The following PTPN4 variants were observed in gnomAD, a reference collection of about 807,000 sequenced individuals.
PTPN4 encodes the protein tyrosine-protein phosphatase non-receptor type 4.
Under a neutral mutation model 135.5 loss-of-function variants are expected in PTPN4, and 49 were observed. The observed-to-expected ratio is 0.36, with a 90% CI of 0.29 to 0.46. PTPN4 has a LOEUF of 0.46. Among genes scored for constraint, PTPN4 ranks in the 20% least tolerant of loss-of-function variants. The pLI is 1.00. For synonymous variants in PTPN4, 333 were observed against 369.9 expected, an observed-to-expected ratio of 0.90 and a Z score of 1.14; for missense variants, 860 against 1,101.0, an observed-to-expected ratio of 0.78 and a Z score of 3.10.
Position 119,862,522 on chromosome 2 carries a change from T to G in PTPN4, c.139-14T>G. ...TCAAAGTTGATTTCATTCAATTTTT[T>G]TTTTTTTTTACAGAAACATGATCAG... On this transcript the variant is annotated splice_polypyrimidine_tract_variant and intron_variant, in intron 2 of 26. Coordinates refer to ENST00000263708, the MANE Select transcript of PTPN4 (RefSeq NM_002830.4). 1 of 1,587,804 alleles carries G rather than the reference T, an allele frequency of 6.3e-7. No individual in the cohort carries two copies. The highest frequency in any genetic ancestry group is 8.6e-7 in the Non-Finnish European group (1 of 1,168,048).
chr2:119,784,384 ATTT>A (rs35755705), intron 1 of PTPN4, among the ~76,000 whole-genome samples: 3 of 107,968 alleles, frequency 2.8e-5, no homozygotes, highest in Non-Finnish European at 1.8e-5. Context: ...TGCCCACCTA[ATTT>A]TTTTTTTTTT....
At chr2:119,780,641 G>T (rs114631763) in intron 1 of PTPN4, among the ~76,000 whole-genome samples, 4 of 152,002 alleles carry the variant, frequency 2.6e-5, no homozygotes. Context: ...AACATTTTTG[G>T]CAAGAACACT....
At chr2:119,817,188 T>C (rs181709194) in intron 2 of PTPN4, among the ~76,000 whole-genome samples, 26 of 152,354 alleles carry the variant, frequency 1.7e-4, no homozygotes, top group African/African-American at 5.8e-4. Context: ...TTTTATACTT[T>C]TGGCTTTTAC....
At chr2:119,862,786 G>A in intron 3 of PTPN4, 143 bp downstream of exon 3, 2 of 560,140 alleles carry the variant, frequency 3.6e-6, no homozygotes, top group Non-Finnish European at 5.9e-6. Flanking sequence ...TTTTGCTTTT[G>A]TTCCTCTTTT....
chr2:119,832,769 G>C (rs1323732301), intron 2 of PTPN4, among the ~76,000 whole-genome samples: 1 of 151,904 alleles, frequency 6.6e-6, no homozygotes, highest in Non-Finnish European at 1.5e-5. Context: ...TGCAAAATCA[G>C]TTTGCTAATA....
intron 2 of PTPN4, among the ~76,000 whole-genome samples, chr2:119,860,261 T>C (rs1163574836): frequency 1.3e-5 from 2 of 152,218 alleles, no homozygotes; most frequent in Non-Finnish European, 2.9e-5. Flanking sequence ...GGGGCCAACA[T>C]TGAGAAGCTC....
rs528055618 is a variant in PTPN4, at chr2:119,812,602, G to A, written c.138+2611G>A. On this transcript the variant is annotated intron_variant, in intron 2 of 26. Transcript: ENST00000263708. ...ATAAGCCTGTTATCACTGGGTTTGT[G>A]TTGGCTTGTGTTGTTTCAATGTCAA... Among the ~76,000 whole-genome samples the A allele has an allele frequency of 7.8e-4, 119 of 152,268 alleles. 1 individual carries two copies. The highest frequency in any genetic ancestry group is 2.8e-3 in the African/African-American group (115 of 41,552).
chr2:119,768,724 T>TC (rs1160891959), intron 1 of PTPN4, among the ~76,000 whole-genome samples: 5 of 152,312 alleles, frequency 3.3e-5, no homozygotes, highest in Admixed American at 3.3e-4. Context: ...GCTTGCCGCC[T>TC]CTGAGGCCTG....
At chr2:119,932,203 A>T (rs1236983525) in intron 13 of PTPN4, 9 of 305,564 alleles carry the variant, frequency 2.9e-5, no homozygotes, top group Admixed American at 5.0e-5. Context: ...TGTCTATCTT[A>T]CTCTTCCTAG....
Position 119,955,251 on chromosome 2 carries a change from C to T in PTPN4, c.1908C>T (p.Asp636=). 1 of 1,613,648 alleles carries T rather than the reference C, an allele frequency of 6.2e-7. No individual in the cohort carries two copies. The highest frequency in any genetic ancestry group is 8.5e-7 in the Non-Finnish European group (1 of 1,179,814). Residue 636 remains aspartate, a synonymous_variant, in exon 20 of 27, where the codon GAC becomes GAT. Transcript: ENST00000263708. ...KAPLDSVHQD[D]HSLRESMIQL... ...CACTAGATAGTGTGCATCAGGATGA[C>T]CATTCCCTGCGGGAGTCAATGATCC...
intron 2 of PTPN4, among the ~76,000 whole-genome samples, chr2:119,840,887 G>A (rs1677370933): frequency 3.3e-5 from 5 of 152,156 alleles, no homozygotes; most frequent in Admixed American, 2.6e-4. Flanking sequence ...CTTTTGAGAA[G>A]TATCTGTTCA....
intron 9 of PTPN4, among the ~76,000 whole-genome samples, chr2:119,892,312 G>A (rs572880669): frequency 4.6e-5 from 7 of 152,306 alleles, no homozygotes; most frequent in African/African-American, 1.7e-4. Context: ...GGTTATGTTG[G>A]AGTGTAAATA....
At chr2:119,775,121 A>C (rs1690809874) in intron 1 of PTPN4, among the ~76,000 whole-genome samples, 1 of 132,784 alleles carries the variant, frequency 7.5e-6, no homozygotes, top group Non-Finnish European at 1.6e-5. Flanking sequence ...AAAAAAAAAA[A>C]AAAAGCCACA....
chr2:119,899,560 A>G (rs971208344), intron 9 of PTPN4, among the ~76,000 whole-genome samples: 1 of 152,122 alleles, frequency 6.6e-6, no homozygotes, highest in African/African-American at 2.4e-5. Context: ...TAAGTATTAC[A>G]GATTCTTTTG....
At chr2:119,846,787 G>T (rs1314769229) in intron 2 of PTPN4, among the ~76,000 whole-genome samples, 2 of 150,592 alleles carry the variant, frequency 1.3e-5, no homozygotes, top group Non-Finnish European at 3.0e-5. Context: ...GTTGCTTTAG[G>T]ACTTAACCAG....
chr2:119,816,490 C>T (rs189019106), intron 2 of PTPN4, among the ~76,000 whole-genome samples: 20 of 152,280 alleles, frequency 1.3e-4, no homozygotes, highest in Admixed American at 1.2e-3. Context: ...AATTTTTCAT[C>T]GGACTTGGGT....
chr2:119,956,533 A>G (rs1045897862), intron 20 of PTPN4, among the ~76,000 whole-genome samples: 1 of 152,184 alleles, frequency 6.6e-6, no homozygotes, highest in Non-Finnish European at 1.5e-5. Flanking sequence ...AACACCTCCA[A>G]ACTAAATGAA....
intron 13 of PTPN4, among the ~76,000 whole-genome samples, chr2:119,927,077 G>A (rs1678835666): frequency 7.0e-6 from 1 of 142,634 alleles, no homozygotes; most frequent in Non-Finnish European, 1.5e-5. Flanking sequence ...ACCATTTATT[G>A]TCTTTATTTC....
intron 2 of PTPN4, among the ~76,000 whole-genome samples, chr2:119,844,658 G>A (rs1168185470): frequency 7.3e-5 from 11 of 151,476 alleles, no homozygotes; most frequent in South Asian, 2.1e-4. Context: ...GAGGATGGGC[G>A]GCCGGGCAGA....
Sources: gnomAD v4.1 joint callset for allele counts (sites outside exome capture counted in the v4.1 genomes callset) on GRCh38, gnomAD v4.1.1 for gene constraint, MANE v1.5 for transcripts, NCBI Gene and HGNC (gene_info 2026-07-23, HGNC 2026-07-21) for gene names.